Variants in RCC1L observed in about 807,000 individuals in gnomAD.
The protein encoded by RCC1L is RCC1-like G exchanging factor-like protein.
A neutral mutation model predicts 58.6 loss-of-function variants in RCC1L; 46 were observed. That is an observed-to-expected ratio of 0.79 (90% confidence interval 0.62 to 1.00). The LOEUF (loss-of-function observed/expected upper bound fraction) is 1.00. Ranked by LOEUF, RCC1L falls within the 50% of genes least tolerant of loss-of-function variation. RCC1L has a pLI of 0.00. For missense variants in RCC1L, 636 were observed against 623.6 expected (o/e 1.02, Z -0.21); for synonymous variants, 281 against 262.9 (o/e 1.07, Z -0.67).
Position 75,073,482 on chromosome 7 carries a change from G to GCCCGGGC in RCC1L, c.249_255dup (p.Pro86AlafsTer41). 1 of 1,384,886 alleles carries GCCCGGGC rather than the reference G, an allele frequency of 7.2e-7. No homozygotes were observed. Among genetic ancestry groups the GCCCGGGC allele is most frequent in the Non-Finnish European group, 9.3e-7 (1 of 1,074,710 alleles). The allele number at this position is 1,384,886 out of a possible 1,614,324, so 85.8% of individuals were successfully genotyped here. A position where few individuals can be genotyped will look rare whatever the true frequency, so the allele number is the denominator to read the frequency against. On this transcript the variant is annotated frameshift_variant, in exon 1 of 11. Transcript: ENST00000610322. LOFTEE classifies it high-confidence loss of function. ...CGGCGCGGTCGGGCGCCGGCGCGGG[G>GCCCGGGC]CCCGGGCCCGGAGCTGGGCACCACA...
At chr7:75,028,885 G>A (rs1188003889) in intron 10 of RCC1L, among the ~76,000 whole-genome samples, 1 of 152,186 alleles carries the variant, frequency 6.6e-6, no homozygotes, top group South Asian at 2.1e-4. Context: ...GGGACCCAAA[G>A]CCTCACTCCA....
At position 75,073,532 on chromosome 7, in the gene RCC1L, G is replaced by A. The variant is rs1554446486; in HGVS notation, c.206C>T (p.Ser69Leu). The A allele has an allele frequency of 2.1e-6, 3 of 1,452,778 alleles. No homozygotes were observed. The highest frequency in any genetic ancestry group is 1.3e-5 in the South Asian group (1 of 75,602). The allele number at this position is 1,452,778 out of a possible 1,614,324, so 90.0% of individuals were successfully genotyped here. ...AAAGGAAGGCACGCCCAGCGCCCCC[G>A]AGAAGCTGAAGCCCCACACGAAGAC... ...DRVFVWGFSF[S>L]GALGVPSFVV... The change falls in exon 1 of 11, where the codon TCG becomes TTG. Residue 69 changes from serine (S) to leucine (L), a missense_variant. Transcript: ENST00000610322.
chr7:75,041,624 C>T (rs373054785), downstream of RCC1L, among the ~76,000 whole-genome samples: 12,912 of 151,856 alleles, frequency 0.085, 1,764 homozygotes, highest in African/African-American at 0.29. Context: ...TTTGGGGGAC[C>T]GAGGCAGGCA....
At chr7:75,029,734 G>A (rs1400120028) in intron 10 of RCC1L, among the ~76,000 whole-genome samples, 1 of 152,198 alleles carries the variant, frequency 6.6e-6, no homozygotes, top group Non-Finnish European at 1.5e-5. Flanking sequence ...TCCGAGCAGG[G>A]CCTGGAGCAT....
chr7:75,059,015 T>TAAA (rs1197804891), intron 6 of RCC1L, among the ~76,000 whole-genome samples: 5 of 133,362 alleles, frequency 3.7e-5, no homozygotes, highest in Admixed American at 7.8e-5. Context: ...TGTCTCTACT[T>TAAA]AAAAAAAAAA....
downstream of RCC1L, among the ~76,000 whole-genome samples, chr7:75,037,879 G>A (rs1332175450): frequency 6.6e-6 from 1 of 152,224 alleles, no homozygotes; most frequent in Admixed American, 6.5e-5. Flanking sequence ...GAAAAGCACA[G>A]CTATCAGGAC....
intron 9 of RCC1L, 35 bp from the exon 10 acceptor site, chr7:75,052,831 T>C: frequency 6.3e-7 from 1 of 1,590,862 alleles, no homozygotes; most frequent in Non-Finnish European, 8.6e-7. Flanking sequence ...TGGTTGGGAC[T>C]GTGTGAAGAA....
intron 10 of RCC1L, among the ~76,000 whole-genome samples, chr7:75,045,826 C>T (rs1178544039): frequency 1.3e-5 from 2 of 152,296 alleles, no homozygotes; most frequent in Admixed American, 1.3e-4. Context: ...CTCTTCCTTT[C>T]TTAAGTGCCA....
At chr7:75,039,274 C>T (rs1669167804), downstream of RCC1L, among the ~76,000 whole-genome samples, 1 of 152,242 alleles carries the variant, frequency 6.6e-6, no homozygotes, top group Admixed American at 6.5e-5. Flanking sequence ...CTGGCCCAGG[C>T]ACGGCACTGG....
intron 8 of RCC1L, among the ~76,000 whole-genome samples, chr7:75,057,245 T>C (rs1169504595): frequency 6.6e-6 from 1 of 152,128 alleles, no homozygotes; most frequent in Non-Finnish European, 1.5e-5. Context: ...AGTGCTGAGA[T>C]TACAGGTGTG....
intron 10 of RCC1L, among the ~76,000 whole-genome samples, chr7:75,031,929 C>A (rs980314047): frequency 6.6e-6 from 1 of 152,230 alleles, no homozygotes; most frequent in Non-Finnish European, 1.5e-5. Context: ...TGTGGGCCAA[C>A]CCACGGGGCT....
At chr7:75,043,223 C>T in intron 10 of RCC1L, 114 bp from the exon 11 acceptor site, 5 of 1,190,758 alleles carry the variant, frequency 4.2e-6, no homozygotes, top group Non-Finnish European at 5.0e-6. Flanking sequence ...TAGGAGACAG[C>T]TTGTCTCAGC....
At chr7:75,065,623 T>A (rs1184843511) in intron 3 of RCC1L, among the ~76,000 whole-genome samples, 1 of 152,076 alleles carries the variant, frequency 6.6e-6, no homozygotes, top group Non-Finnish European at 1.5e-5. Context: ...AAAAACCCCG[T>A]TTCTAAAAAG....
In RCC1L at chr7:75,058,736, G is replaced by C; in HGVS notation, c.821C>G (p.Thr274Ser). Residue 274 changes from threonine to serine, a missense_variant, in exon 7 of 11, where the codon ACC (threonine) becomes AGC (serine). Transcript: ENST00000610322. ...TCCCGCCAGGTCTCCACCCAGCTTG[G>C]TGGGCGAGCTGGTGATATTGTAGTG... is the stretch of plus-strand genomic sequence containing the variant. ...LGHYNITSSP[T>S]KLGGDLAGVN... 4 of 1,613,964 alleles carry C rather than the reference G, an allele frequency of 2.5e-6. No homozygotes were observed. Among genetic ancestry groups the C allele is most frequent in the Non-Finnish European group, 3.4e-6 (4 of 1,179,848 alleles).
At chr7:75,046,092 C>T (rs918139413) in intron 10 of RCC1L, among the ~76,000 whole-genome samples, 1 of 152,244 alleles carries the variant, frequency 6.6e-6, no homozygotes, top group Admixed American at 6.5e-5. Context: ...TTTGCACCTA[C>T]GCCAGGAGAC....
At chr7:75,029,625 T>C (rs1805244761) in intron 10 of RCC1L, among the ~76,000 whole-genome samples, 1 of 151,882 alleles carries the variant, frequency 6.6e-6, no homozygotes, top group Non-Finnish European at 1.5e-5. Context: ...ATTACAGGCA[T>C]GAGATACCCC....
chr7:75,027,208 A>AC (rs1176221940), exon 11 of RCC1L: 1 of 152,252 alleles, frequency 6.6e-6, no homozygotes, highest in Admixed American at 6.5e-5. Context: ...ACTTGAGAGA[A>AC]CAAAGCCAGC....
chr7:75,064,752 C>T (rs967468618), intron 3 of RCC1L, 104 bp from the exon 4 acceptor site: 39 of 1,273,960 alleles, frequency 3.1e-5, no homozygotes, highest in Non-Finnish European at 4.5e-5. Flanking sequence ...GGTTACTCAC[C>T]CCCACCCCCC....
At chr7:75,047,749 G>A (rs1805772363) in intron 10 of RCC1L, among the ~76,000 whole-genome samples, 1 of 151,390 alleles carries the variant, frequency 6.6e-6, no homozygotes, top group Non-Finnish European at 1.5e-5. Context: ...CTAGGTTCAA[G>A]TGATTCTCCT....
Sources: allele counts gnomAD v4.1 joint callset (sites outside exome capture counted in the v4.1 genomes callset), GRCh38; gene constraint gnomAD v4.1.1; transcripts MANE v1.5; gene names NCBI Gene and HGNC (gene_info 2026-07-23, HGNC 2026-07-21).